The following MYH14 variants were observed in gnomAD, a reference collection of about 807,000 sequenced individuals.
The protein encoded by MYH14 is myosin-14.
Under a neutral mutation model 255.5 loss-of-function variants are expected in MYH14, and 123 were observed. That is an observed-to-expected ratio of 0.48 (90% CI 0.42 to 0.56). The LOEUF (loss-of-function observed/expected upper bound fraction) is 0.56, where lower values mean the gene tolerates loss of function less well. Among genes scored for constraint, MYH14 ranks in the 20% least tolerant of loss-of-function variants. MYH14 has a pLI of 0.00. For synonymous variants in MYH14, 1,095 were observed against 1,161.2 expected, an observed-to-expected ratio of 0.94 and a Z score of 1.16; for missense variants, 2,423 against 2,802.3, an observed-to-expected ratio of 0.86 and a Z score of 3.06.
chr19:50,271,794 G>T, intron 25 of MYH14, 55 bp from the exon 26 acceptor site: 1 of 1,607,366 alleles, frequency 6.2e-7, no homozygotes, highest in Non-Finnish European at 8.5e-7. Context: ...ATCAGGTAAG[G>T]GCTGCTCCTG....
chr19:50,259,122 C>T (rs757972944), intron 18 of MYH14, 22 bp from the exon 19 acceptor site: 2 of 1,541,952 alleles, frequency 1.3e-6, no homozygotes, highest in Admixed American at 2.0e-5. Context: ...CTGACCCCCG[C>T]GTGTCCGTCC....
In MYH14 at chr19:50,276,505, C is replaced by T. The variant is rs1330143298; in HGVS notation, c.3681-252C>T. Among the ~76,000 whole-genome samples, 1 of 152,072 alleles carries T rather than the reference C, an allele frequency of 6.6e-6. No individual in the cohort carries two copies. Among genetic ancestry groups the T allele is most frequent in the Admixed American group, 6.5e-5 (1 of 15,268 alleles). ...TGGGTGATAAGTGAAGACCCCTAAA[C>T]CAAGTCTATGGGAGATCCAGGAAGA... On this transcript the variant is annotated intron_variant, in intron 28 of 42. Coordinates refer to ENST00000642316, the MANE Select transcript of MYH14 (RefSeq NM_001145809.2). The surrounding 1 kb of genome is among the most constrained non-coding windows in gnomAD (Gnocchi z 4.3).
chr19:50,275,254 C>G (rs1367465672), intron 27 of MYH14, among the ~76,000 whole-genome samples: 1 of 152,112 alleles, frequency 6.6e-6, no homozygotes, highest in Non-Finnish European at 1.5e-5. Context: ...TGGTGCTGCC[C>G]CCAGATCCAG....
At chr19:50,297,969 G>A (rs775858180) in intron 39 of MYH14, among the ~76,000 whole-genome samples, 19 of 152,168 alleles carry the variant, frequency 1.2e-4, no homozygotes, top group Non-Finnish European at 2.5e-4. Flanking sequence ...TCACCCCATG[G>A]GTGCATGGGG....
chr19:50,298,882 G>A (rs573052698), intron 39 of MYH14, among the ~76,000 whole-genome samples: 5 of 152,116 alleles, frequency 3.3e-5, no homozygotes, highest in Non-Finnish European at 7.4e-5. Flanking sequence ...AAGAGTTCAA[G>A]ACCAGCCAGG....
intron 10 of MYH14, among the ~76,000 whole-genome samples, chr19:50,237,581 G>A (rs976644960): frequency 7.2e-5 from 11 of 152,142 alleles, no homozygotes; most frequent in Admixed American, 3.3e-4. Context: ...ACCCGCCTCC[G>A]CCTCCCAAAA....
intron 2 of MYH14, among the ~76,000 whole-genome samples, chr19:50,213,317 G>A (rs78000626): frequency 0.038 from 5,822 of 152,200 alleles, 119 homozygotes; most frequent in Middle Eastern, 0.054. Context: ...TGTCATCCCC[G>A]CTCTGCAGGT....
At chr19:50,299,337 A>T (rs1204248249) in intron 39 of MYH14, among the ~76,000 whole-genome samples, 1 of 152,130 alleles carries the variant, frequency 6.6e-6, no homozygotes, top group Non-Finnish European at 1.5e-5. Flanking sequence ...TGGGAGGCCG[A>T]GGCGGGCAGA....
At chr19:50,298,734 G>C (rs1248069241) in intron 39 of MYH14, among the ~76,000 whole-genome samples, 1 of 149,404 alleles carries the variant, frequency 6.7e-6, no homozygotes, top group Non-Finnish European at 1.5e-5. Context: ...CTAGGCAACA[G>C]AGCGAGACTC....
chr19:50,260,545 C>G, intron 19 of MYH14, 101 bp from the exon 20 acceptor site: 1 of 746,676 alleles, frequency 1.3e-6, no homozygotes, highest in Non-Finnish European at 2.4e-6. Flanking sequence ...CACTGTTGTT[C>G]CTGCTGTGTG....
chr19:50,212,777 G>A (rs2032267657), intron 2 of MYH14, among the ~76,000 whole-genome samples: 3 of 152,076 alleles, frequency 2.0e-5, no homozygotes, highest in Non-Finnish European at 4.4e-5. Context: ...GAGGGCTGTC[G>A]GACCCTGCAT....
At chr19:50,218,879 G>A (rs2032643732) in intron 3 of MYH14, among the ~76,000 whole-genome samples, 1 of 151,744 alleles carries the variant, frequency 6.6e-6, no homozygotes, top group Admixed American at 6.6e-5. Flanking sequence ...CCATTCCCGA[G>A]TTACCTCACT....
intron 18 of MYH14, 115 bp downstream of exon 18, chr19:50,257,601 T>C: frequency 9.6e-7 from 1 of 1,043,644 alleles, no homozygotes; most frequent in Non-Finnish European, 1.4e-6. Flanking sequence ...GCTGTGTGGC[T>C]TTGAGCAAAT....
chr19:50,288,143 A>G (rs1487860148), intron 34 of MYH14, among the ~76,000 whole-genome samples: 2 of 152,192 alleles, frequency 1.3e-5, no homozygotes, highest in Admixed American at 6.5e-5. Flanking sequence ...CTCTGAATAC[A>G]TTTATGGATC....
In MYH14 at chr19:50,250,693, G is replaced by GT. The variant is rs1388919440; in HGVS notation, c.1830+5_1830+6insT. On this transcript the variant is annotated splice_donor_region_variant and intron_variant, in intron 15 of 42. Transcript: ENST00000642316. This position sits in a 1 kb window ranked among gnomAD's most constrained non-coding sequence, Gnocchi z 5.4. The stretch of plus-strand genomic sequence containing the variant: ...GTTCTCCACTACGCGGGCAAGGTAG[G>GT]GGCTGGGGCCGGCCTTGGGGCATGT... 6.2e-7 allele frequency: 1 copy of GT among 1,608,166 alleles called. No homozygotes were observed. Among genetic ancestry groups the GT allele is most frequent in the South Asian group, 1.1e-5 (1 of 90,894 alleles).
At chr19:50,240,185 A>G (rs659442) in intron 10 of MYH14, among the ~76,000 whole-genome samples, 146,811 of 152,312 alleles carry the variant, frequency 0.96, 70,807 homozygotes, top group African/African-American at 0.99. Context: ...TGGAGAGGCC[A>G]GTTCCACAGA....
intron 24 of MYH14, 138 bp downstream of exon 24, chr19:50,268,505 T>C (rs2035178458): frequency 4.2e-6 from 4 of 961,338 alleles, no homozygotes; most frequent in Admixed American, 5.3e-5. Context: ...GCAAAAAGAA[T>C]ACATTTTTGA....
intron 39 of MYH14, 54 bp from the exon 40 acceptor site, chr19:50,301,607 C>A: frequency 1.4e-6 from 2 of 1,449,542 alleles, no homozygotes; most frequent in Non-Finnish European, 1.9e-6. Context: ...GATTTACCTA[C>A]CACCTTCCCT....
Position 50,290,890 on chromosome 19 carries a change from A to C in MYH14, c.4969A>C (p.Arg1657=), listed in dbSNP as rs188919044. 6 of 1,557,646 alleles carry C rather than the reference A, an allele frequency of 3.9e-6. No individual in the cohort carries two copies. In the East Asian group the frequency reaches 1.2e-4, roughly 31 times the overall value. Residue 1657 remains arginine (R), a synonymous_variant, in exon 36 of 43, where the codon AGA becomes CGA. Coordinates refer to ENST00000642316, the MANE Select transcript of MYH14 (RefSeq NM_001145809.2). ...ERRRQLAKQL[R]DAEVERDEER... ...TCCCTCCTGACCTCCTCTCCAGCTG[A>C]GAGATGCAGAGGTGGAGCGGGATGA... is the stretch of plus-strand genomic sequence containing the variant.
Sources: gnomAD v4.1 joint callset for allele counts (sites outside exome capture counted in the v4.1 genomes callset) on GRCh38, gnomAD v4.1.1 for gene constraint, Gnocchi (gnomAD v3.1) non-coding constraint, MANE v1.5 for transcripts, NCBI Gene and HGNC (gene_info 2026-07-23, HGNC 2026-07-21) for gene names.